The following RRP7A variants were observed in gnomAD, a reference collection of about 807,000 sequenced individuals.
RRP7A encodes the protein ribosomal RNA-processing protein 7 homolog A.
A neutral mutation model predicts 38.4 loss-of-function variants in RRP7A; 27 were observed. That is an observed-to-expected ratio of 0.70 (90% CI 0.52 to 0.97). RRP7A has a LOEUF of 0.97. Among genes scored for constraint, RRP7A ranks in the 50% least tolerant of loss-of-function variants. The probability of loss-of-function intolerance (pLI) is 0.00; values close to 1 mark genes in which losing one functional copy is unlikely to be tolerated. For synonymous variants in RRP7A, 124 were observed against 150.3 expected, an observed-to-expected ratio of 0.83 and a Z score of 1.28; for missense variants, 327 against 375.4, an observed-to-expected ratio of 0.87 and a Z score of 1.07.
At position 42,508,757 on chromosome 22, in the gene RRP7A, T is replaced by A. The variant is rs561628617; in HGVS notation, c.*4153A>T. The stretch of plus-strand genomic sequence containing the variant: ...CTGACTTTAATCACACAGCCATACC[T>A]GGTGGCAAAGGAGTATTGGAAATGG... On this transcript the variant is annotated 3_prime_UTR_variant, in exon 7 of 7. Transcript: ENST00000323013. Among the ~76,000 whole-genome samples, 1 of 152,226 alleles carries A rather than the reference T, an allele frequency of 6.6e-6. No homozygotes were observed. Among genetic ancestry groups the A allele is most frequent in the African/African-American group, 2.4e-5 (1 of 41,466 alleles).
Position 42,518,036 on chromosome 22 carries a change from A to G in RRP7A, c.185T>C (p.Phe62Ser). The G allele has an allele frequency of 6.2e-7, 1 of 1,613,560 alleles. No individual in the cohort carries two copies. The highest frequency in any genetic ancestry group is 2.2e-5 in the East Asian group (1 of 44,888). ...GCAGTATGGGGGCACATTGAGGACA[A>G]AAAGAGTCCTCTTCTGAGGCCAGGT... ...KSTWPQKRTL[F>S]VLNVPPYCTE... Residue 62 changes from phenylalanine (F) to serine (S), a missense_variant, in exon 2 of 7, where the codon TTT becomes TCT. Physicochemically the swap from Phe to Ser is radical, Grantham distance 155. Transcript: ENST00000323013.
At chr22:42,517,866 G>A in intron 2 of RRP7A, 139 bp downstream of exon 2, 1 of 975,348 alleles carries the variant, frequency 1.0e-6, no homozygotes, top group Non-Finnish European at 1.5e-6. Context: ...TTCCTGACTG[G>A]AGATCACGGT....
chr22:42,512,178 G>T lies in RRP7A; in HGVS notation c.*732C>A. 1 of 1,568,464 alleles carries T rather than the reference G, an allele frequency of 6.4e-7. No individual in the cohort carries two copies. Among genetic ancestry groups the T allele is most frequent in the African/African-American group, 1.4e-5 (1 of 73,270 alleles). On this transcript the variant is annotated 3_prime_UTR_variant, in exon 7 of 7. Transcript: ENST00000323013. ...TGTCCACATGAGCGAACCCCAGCAC[G>T]TGGCCAGTATCATCAGCTCCTTCTT...
At chr22:42,515,811 C>T (rs1920927923) in intron 3 of RRP7A, among the ~76,000 whole-genome samples, 200 bp downstream of exon 3, 1 of 152,186 alleles carries the variant, frequency 6.6e-6, no homozygotes, top group Non-Finnish European at 1.5e-5. Context: ...CAGAAAAAGC[C>T]AGGCAGGAAG....
intron 2 of RRP7A, 50 bp from the exon 3 acceptor site, chr22:42,516,186 A>C: frequency 6.2e-7 from 1 of 1,605,996 alleles, no homozygotes; most frequent in Non-Finnish European, 8.5e-7. Flanking sequence ...GGGCCATCCC[A>C]AAGCCTCCCT....
intron 2 of RRP7A, 75 bp from the exon 3 acceptor site, chr22:42,516,211 G>A (rs763123197): frequency 1.2e-5 from 19 of 1,577,730 alleles, no homozygotes; most frequent in Admixed American, 1.8e-5. Context: ...CATGGGTGGC[G>A]CTGCCAGGGG....
At position 42,514,770 on chromosome 22, in the gene RRP7A, C is replaced by G. The variant is rs1433176510; in HGVS notation, c.470G>C (p.Ser157Thr). ...PVKSGIHKWISDYADSVPDPE... is the reference protein window; with the variant it reads ...PVKSGIHKWITDYADSVPDPE... ...GTCGGGCACAGAGTCTGCGTAGTCA[C>G]TGATCCACTCTGAGGAAAAGGGAGC... Residue 157 changes from serine (S) to threonine (T), a missense_variant, in exon 5 of 7, where the codon AGT becomes ACT. This residue lies in a region of RRP7A where 46 missense variants were observed against 93.0 expected (regional missense o/e 0.49). Transcript: ENST00000323013. The G allele has an allele frequency of 6.2e-7, 1 of 1,609,624 alleles. No individual in the cohort carries two copies.
rs1445214451 is a variant in RRP7A, at chr22:42,509,105, G to A, written c.*3805C>T. On this transcript the variant is annotated 3_prime_UTR_variant, in exon 7 of 7. Transcript: ENST00000323013. ...GGAAGCTGCAGGCCCATGTCCTGTT[G>A]ATCAAGTGAGTCTGGACCCATCCCC... The A allele has an allele frequency of 1.2e-6, 2 of 1,614,018 alleles. No homozygotes were observed. The highest frequency in any genetic ancestry group is 1.7e-6 in the Non-Finnish European group (2 of 1,179,976).
chr22:42,515,853 G>A (rs1276437318), intron 3 of RRP7A, among the ~76,000 whole-genome samples, 158 bp downstream of exon 3: 9 of 152,204 alleles, frequency 5.9e-5, no homozygotes, highest in Admixed American at 1.3e-4. Flanking sequence ...GCAAAGAATC[G>A]CAGGCTTTGT....
chr22:42,513,274 C>G (rs1435999419), intron 6 of RRP7A, among the ~76,000 whole-genome samples: 1 of 136,576 alleles, frequency 7.3e-6, no homozygotes, highest in Non-Finnish European at 1.6e-5. Flanking sequence ...TACCCGCCCC[C>G]ACCCCCATCC....
At chr22:42,516,796 G>A (rs1456244875) in intron 2 of RRP7A, among the ~76,000 whole-genome samples, 11 of 152,180 alleles carry the variant, frequency 7.2e-5, no homozygotes, top group Non-Finnish European at 1.6e-4. Flanking sequence ...CCTGGGCGCT[G>A]ACTACACAGC....
rs766506297 is a variant in RRP7A at position 42,514,190 on chromosome 22, C to T, written c.673G>A (p.Val225Met). 3.2e-5 allele frequency: 51 copies of T among 1,612,410 alleles called. No homozygotes were observed. In the Admixed American group the frequency reaches 8.0e-4, roughly 25 times the overall value. Residue 225 changes from valine (V) to methionine (M), a missense_variant, in exon 6 of 7, where the codon GTG becomes ATG. Coordinates refer to ENST00000323013, the MANE Select transcript of RRP7A (RefSeq NM_015703.5). ...LPRTEAASLR[V>M]LERERRKRSR... is the part of the protein sequence containing the mutation. ...CGCTTCCGTCTCTCCCTCTCCAGCA[C>T]CCGCAAGCTGGCTGCCTCAGTCCGG... is the stretch of plus-strand genomic sequence containing the variant.
chr22:42,519,778 C>G lies in RRP7A; in HGVS notation c.9G>C (p.Ala3=). The part of the protein sequence containing the change: MV[A]RRRKCAARDP... ...CCCGCGCGGCGCACTTCCTCCTGCG[C>G]GCCACCATCTTGCCACCCGGGAGCG... The change falls in exon 1 of 7, where the codon GCG becomes GCC. Residue 3 remains alanine (A), a synonymous_variant. Coordinates refer to ENST00000323013, the MANE Select transcript of RRP7A (RefSeq NM_015703.5). 2.8e-6 allele frequency: 4 copies of G among 1,444,282 alleles called. No homozygotes were observed. Among genetic ancestry groups the G allele is most frequent in the Non-Finnish European group, 3.6e-6 (4 of 1,100,214 alleles). The allele number at this position is 1,444,282 out of a possible 1,614,324, so 89.5% of individuals were successfully genotyped here.
At chr22:42,519,459 G>A (rs1196895924) in intron 1 of RRP7A, among the ~76,000 whole-genome samples, 5 of 152,186 alleles carry the variant, frequency 3.3e-5, no homozygotes, top group Non-Finnish European at 5.9e-5. Flanking sequence ...GGGTGAGAGT[G>A]TGGACAGAGG....
Position 42,509,134 on chromosome 22 carries a change from A to T in RRP7A, c.*3776T>A. On this transcript the variant is annotated 3_prime_UTR_variant, in exon 7 of 7. Transcript: ENST00000323013. ...AAGTGAGTCTGGACCCATCCCCTTC[A>T]GTCACCCCCCAAGGAGACATGGGCG... 6.2e-7 allele frequency: 1 copy of T among 1,613,992 alleles called. No homozygotes were observed. Among genetic ancestry groups the T allele is most frequent in the Admixed American group, 1.7e-5 (1 of 60,000 alleles).
Position 42,519,695 on chromosome 22 carries a change from G to A in RRP7A, c.73+19C>T. ...GCGATGCCTGACCGCCCCCGGTCTC[G>A]CGTCCCGGAGCCCCTCACCTGCGTA... is the stretch of plus-strand genomic sequence containing the variant. On this transcript the variant is annotated intron_variant, in intron 1 of 6. Coordinates refer to ENST00000323013, the MANE Select transcript of RRP7A (RefSeq NM_015703.5). 1.4e-6 allele frequency: 2 copies of A among 1,442,290 alleles called. No individual in the cohort carries two copies. The highest frequency in any genetic ancestry group is 1.4e-5 in the South Asian group (1 of 73,458). The allele number at this position is 1,442,290 out of a possible 1,614,324, so 89.3% of individuals were successfully genotyped here.
rs1920928256 is a variant in RRP7A at position 42,515,937 on chromosome 22, C to T, written c.342+74G>A. On this transcript the variant is annotated intron_variant, in intron 3 of 6. Transcript: ENST00000323013. Reference sequence around the variant, plus strand: ...CAGAGAATGCTCTGATGTCCCACTGCCAGCTCCCCCAACACACTGGGGACA... The same window carrying T: ...CAGAGAATGCTCTGATGTCCCACTGTCAGCTCCCCCAACACACTGGGGACA... The T allele has an allele frequency of 2.0e-6, 3 of 1,504,688 alleles. No individual in the cohort carries two copies. The African/African-American group carries it at 4.2e-5, about 21-fold the overall frequency. The allele number at this position is 1,504,688 out of a possible 1,614,324, so 93.2% of individuals were successfully genotyped here.
chr22:42,516,370 G>A (rs1453779313), intron 2 of RRP7A: 1 of 572,960 alleles, frequency 1.7e-6, no homozygotes, highest in South Asian at 1.5e-5. Flanking sequence ...TTGCTCTGTA[G>A]CCCAGGCTGG....
rs138065078 is a variant in RRP7A at position 42,510,321 on chromosome 22, G to A, written c.*2589C>T. ...ACATAAATTCTCTCTCAGAGCAAGT[G>A]TGGGCTCCAGCGCCTGTTCAGATCC... On this transcript the variant is annotated 3_prime_UTR_variant, in exon 7 of 7. Coordinates refer to ENST00000323013, the MANE Select transcript of RRP7A (RefSeq NM_015703.5). 599 of 164,262 alleles carry A rather than the reference G, an allele frequency of 3.6e-3. 5 individuals are homozygous for A. Among genetic ancestry groups the A allele is most frequent in the Middle Eastern group, 0.011 (4 of 362 alleles). The allele number at this position is 164,262 out of a possible 1,614,324, so 10.2% of individuals were successfully genotyped here. A position where few individuals can be genotyped will look rare whatever the true frequency, so the allele number is the denominator to read the frequency against.
Sources: allele counts gnomAD v4.1 joint callset (sites outside exome capture counted in the v4.1 genomes callset), GRCh38; gene constraint gnomAD v4.1.1; regional missense constraint gnomAD v4.1.1; transcripts MANE v1.5; gene names NCBI Gene and HGNC (gene_info 2026-07-23, HGNC 2026-07-21).